Variants in ITGA4 observed in about 807,000 individuals in gnomAD.
The protein encoded by ITGA4 is integrin subunit alpha 4.
A neutral mutation model predicts 133.6 loss-of-function variants in ITGA4; 63 were observed. That is an observed-to-expected ratio of 0.47 (90% CI 0.38 to 0.58). The LOEUF (loss-of-function observed/expected upper bound fraction) is 0.58. Among genes scored for constraint, ITGA4 ranks in the 20% least tolerant of loss-of-function variants. The pLI is 0.00. For missense variants in ITGA4, 1,076 were observed against 1,252.7 expected (o/e 0.86, Z 2.13); for synonymous variants, 483 against 438.0 (o/e 1.10, Z -1.28).
In ITGA4 at chr2:181,536,276, C is replaced by CCTAT. The variant is rs1215227523; in HGVS notation, c.*754_*757dup. 2.0e-5 allele frequency: 3 copies of CCTAT among 151,756 alleles called. No individual in the cohort carries two copies. Among genetic ancestry groups the CCTAT allele is most frequent in the African/African-American group, 4.8e-5 (2 of 41,294 alleles). The allele number at this position is 151,756 out of a possible 1,614,324, so 9.4% of individuals were successfully genotyped here. A position where few individuals can be genotyped will look rare whatever the true frequency, so the allele number is the denominator to read the frequency against. Reference sequence around the variant, plus strand: ...ATGTAGGTATATATTTACCATTCTTCCTATCTATTCTTCCTATAACACACC... The same window carrying CCTAT: ...ATGTAGGTATATATTTACCATTCTTCCTATCTATCTATTCTTCCTATAACACACC... On this transcript the variant is annotated 3_prime_UTR_variant, in exon 28 of 28. Coordinates refer to ENST00000397033, the MANE Select transcript of ITGA4 (RefSeq NM_000885.6).
chr2:181,478,892 A>G (rs1237822670), intron 5 of ITGA4, 68 bp downstream of exon 5: 2 of 755,432 alleles, frequency 2.6e-6, no homozygotes, highest in African/African-American at 3.6e-5. Context: ...CATGGTTTGG[A>G]AGACTGATAT....
chr2:181,469,611 T>G lies in ITGA4; in HGVS notation c.320-5349T>G, dbSNP rs1360604853. Among the ~76,000 whole-genome samples the G allele has an allele frequency of 6.6e-5, 10 of 152,222 alleles. No homozygotes were observed. In the South Asian group the frequency reaches 1.0e-3, roughly 16 times the overall value. ...AAATCATGCTGCTATAAAGACACAT[T>G]CACATGTATGTTTATTGCGGCACTA... On this transcript the variant is annotated intron_variant, in intron 2 of 27. Coordinates refer to ENST00000397033, the MANE Select transcript of ITGA4 (RefSeq NM_000885.6).
At chr2:181,530,697 G>T (rs1686927225) in intron 24 of ITGA4, 48 bp downstream of exon 24, 1 of 1,566,082 alleles carries the variant, frequency 6.4e-7, no homozygotes, top group Non-Finnish European at 8.8e-7. Context: ...CAACAGAGAA[G>T]TGAGACACTT....
intron 14 of ITGA4, among the ~76,000 whole-genome samples, chr2:181,497,851 G>A (rs1230921924): frequency 1.3e-5 from 2 of 151,412 alleles, no homozygotes; most frequent in East Asian, 1.9e-4. Flanking sequence ...TGGCTTGGAC[G>A]TTTTTGTTAA....
At chr2:181,505,860 G>T (rs1024673273) in intron 15 of ITGA4, among the ~76,000 whole-genome samples, 1 of 152,236 alleles carries the variant, frequency 6.6e-6, no homozygotes, top group African/African-American at 2.4e-5. Context: ...TGGACATGTG[G>T]AGGGACAATC....
At chr2:181,521,684 C>T (rs1461861204) in intron 17 of ITGA4, among the ~76,000 whole-genome samples, 1 of 152,142 alleles carries the variant, frequency 6.6e-6, no homozygotes, top group African/African-American at 2.4e-5. Context: ...ATTTTAGTGC[C>T]ACGCACTTGT....
At chr2:181,510,343 G>C (rs1442760510) in intron 16 of ITGA4, among the ~76,000 whole-genome samples, 3 of 152,094 alleles carry the variant, frequency 2.0e-5, no homozygotes, top group Non-Finnish European at 4.4e-5. Flanking sequence ...AATTGCATTT[G>C]AGATGGATCC....
intron 14 of ITGA4, among the ~76,000 whole-genome samples, chr2:181,497,087 A>G (rs1322667830): frequency 1.3e-5 from 2 of 152,170 alleles, no homozygotes; most frequent in African/African-American, 4.8e-5. Context: ...CTAGTTATTG[A>G]TTGGAAAATG....
In ITGA4 at chr2:181,538,275, T is replaced by TA; in HGVS notation, c.*2749dup. On this transcript the variant is annotated 3_prime_UTR_variant, in exon 28 of 28. Coordinates refer to ENST00000397033, the MANE Select transcript of ITGA4 (RefSeq NM_000885.6). ...AAGAAAATACATTATTTCATCAACT[T>TA]ATTTTGTTGTTTTTCACATACACCT... 1 of 1,395,386 alleles carries TA rather than the reference T, an allele frequency of 7.2e-7. No individual in the cohort carries two copies. Among genetic ancestry groups the TA allele is most frequent in the South Asian group, 1.2e-5 (1 of 85,990 alleles). 86.4% of individuals were successfully genotyped at this position (1,395,386 alleles called of 1,614,324 possible).
chr2:181,531,578 T>C (rs1686946253), intron 24 of ITGA4, 79 bp from the exon 25 acceptor site: 1 of 723,784 alleles, frequency 1.4e-6, no homozygotes, highest in Non-Finnish European at 2.0e-6. Context: ...AGAGTATATA[T>C]TAAATTCTAT....
rs147475777 is a variant in ITGA4 at position 181,504,600 on chromosome 2, T to C, written c.1696-5058T>C. Among the ~76,000 whole-genome samples, 558 of 152,160 alleles carry C rather than the reference T, an allele frequency of 3.7e-3. 4 individuals are homozygous for C. The highest frequency in any genetic ancestry group is 0.013 in the African/African-American group (549 of 41,554). On this transcript the variant is annotated intron_variant, in intron 15 of 27. Transcript: ENST00000397033. ...AAACTATATCACTGTACTAATATTA[T>C]GGTATTCTAAAAGTGAATTGATTAT...
At chr2:181,481,281 A>C (rs1435327576) in intron 6 of ITGA4, among the ~76,000 whole-genome samples, 1 of 152,156 alleles carries the variant, frequency 6.6e-6, no homozygotes, top group South Asian at 2.1e-4. Flanking sequence ...CCCAATTGAG[A>C]TTTTATATTT....
chr2:181,529,795 C>T (rs1686903813), intron 23 of ITGA4, 147 bp downstream of exon 23: 3 of 557,256 alleles, frequency 5.4e-6, no homozygotes, highest in Non-Finnish European at 9.6e-6. Flanking sequence ...ATTCACCATG[C>T]ATTTATTGAG....
At position 181,477,451 on chromosome 2, in the gene ITGA4, A is replaced by G. The variant is rs556099825; in HGVS notation, c.557-1306A>G. 8.5e-5 allele frequency among the ~76,000 whole-genome samples: 13 copies of G among 152,290 alleles called. No homozygotes were observed. In the East Asian group the frequency reaches 2.1e-3, roughly 25 times the overall value. ...CTGCAGAATGGGAAATAATATTCGCATAAGTCCTATATATTTAAAATGTAT... is the reference window on the plus strand; with the variant it reads ...CTGCAGAATGGGAAATAATATTCGCGTAAGTCCTATATATTTAAAATGTAT... On this transcript the variant is annotated intron_variant, in intron 4 of 27. Coordinates refer to ENST00000397033, the MANE Select transcript of ITGA4 (RefSeq NM_000885.6).
In ITGA4 at chr2:181,538,138, A is replaced by ATAT; in HGVS notation, c.*2614_*2616dup. Reference sequence around the variant, plus strand: ...GTTTAAAGCATGGCCACATTTCTTTATATTAAAATTCTAGTTTGTACATTT... The same window carrying ATAT: ...GTTTAAAGCATGGCCACATTTCTTTATATTATTAAAATTCTAGTTTGTACATTT... On this transcript the variant is annotated 3_prime_UTR_variant, in exon 28 of 28. Coordinates refer to ENST00000397033, the MANE Select transcript of ITGA4 (RefSeq NM_000885.6). 7.8e-7 allele frequency: 1 copy of ATAT among 1,288,484 alleles called. No individual in the cohort carries two copies. Among genetic ancestry groups the ATAT allele is most frequent in the African/African-American group, 1.5e-5 (1 of 68,616 alleles). 79.8% of individuals were successfully genotyped at this position (1,288,484 alleles called of 1,614,324 possible). A position where few individuals can be genotyped will look rare whatever the true frequency, so the allele number is the denominator to read the frequency against.
At chr2:181,473,487 C>T (rs1360334465) in intron 2 of ITGA4, among the ~76,000 whole-genome samples, 1 of 152,198 alleles carries the variant, frequency 6.6e-6, no homozygotes, top group African/African-American at 2.4e-5. Flanking sequence ...AGGGCCTCAC[C>T]TGGATCTGCT....
Position 181,538,090 on chromosome 2 carries a change from C to A in ITGA4, c.*2563C>A. On this transcript the variant is annotated 3_prime_UTR_variant, in exon 28 of 28. Transcript: ENST00000397033. ...AAAAATTGTCTTCCATGAAACTGGTCCCAAAAAGGGTGGGGACCACAGGTT... is the reference window on the plus strand; with the variant it reads ...AAAAATTGTCTTCCATGAAACTGGTACCAAAAAGGGTGGGGACCACAGGTT... 1.2e-6 allele frequency: 1 copy of A among 838,188 alleles called. No individual in the cohort carries two copies. The highest frequency in any genetic ancestry group is 1.4e-5 in the South Asian group (1 of 71,568). The allele number at this position is 838,188 out of a possible 1,614,324, so 51.9% of individuals were successfully genotyped here.
chr2:181,473,904 G>A (rs902818740), intron 2 of ITGA4, among the ~76,000 whole-genome samples: 1 of 152,200 alleles, frequency 6.6e-6, no homozygotes. Context: ...AAGTGCCAAT[G>A]ATATAGAGAA....
intron 22 of ITGA4, among the ~76,000 whole-genome samples, chr2:181,527,813 C>T (rs1394429215): frequency 4.6e-5 from 7 of 152,190 alleles, no homozygotes; most frequent in African/African-American, 1.7e-4. Flanking sequence ...CCTCCCATCT[C>T]CATTTAAGAT....
Sources: gnomAD v4.1 joint callset for allele counts (sites outside exome capture counted in the v4.1 genomes callset) on GRCh38, gnomAD v4.1.1 for gene constraint, MANE v1.5 for transcripts, NCBI Gene and HGNC (gene_info 2026-07-23, HGNC 2026-07-21) for gene names.